Variants in CEP170 observed in about 807,000 individuals in gnomAD.
CEP170 encodes centrosomal protein 170.
A neutral mutation model predicts 151.9 loss-of-function variants in CEP170; 21 were observed. The observed-to-expected ratio is 0.14, with a 90% CI of 0.10 to 0.20. The LOEUF (loss-of-function observed/expected upper bound fraction) is 0.20. Among genes scored for constraint, CEP170 ranks in the 10% least tolerant of loss-of-function variants. CEP170 has a pLI of 1.00. For missense variants in CEP170, 964 were observed against 1,892.9 expected, an observed-to-expected ratio of 0.51 and a Z score of 9.11; for synonymous variants, 356 against 648.8, an observed-to-expected ratio of 0.55 and a Z score of 6.86.
At position 243,125,789 on chromosome 1, in the gene CEP170, T is replaced by C. The variant is rs2053646289; in HGVS notation, c.*660A>G. On this transcript the variant is annotated 3_prime_UTR_variant, in exon 20 of 20. Coordinates refer to ENST00000366542, the MANE Select transcript of CEP170 (RefSeq NM_014812.3). Reference sequence around the variant, plus strand: ...GTTAGTCCTTATTGATATATAGATATGTCCACCTACCACTCCCAGCAAATC... The same window carrying C: ...GTTAGTCCTTATTGATATATAGATACGTCCACCTACCACTCCCAGCAAATC... The C allele has an allele frequency of 2.1e-5, 5 of 238,438 alleles. No individual in the cohort carries two copies. In the South Asian group the frequency reaches 2.9e-4, roughly 14 times the overall value. 14.8% of individuals were successfully genotyped at this position (238,438 alleles called of 1,614,324 possible).
At position 243,124,648 on chromosome 1, in the gene CEP170, C is replaced by T. The variant is rs1354061115; in HGVS notation, c.*1801G>A. On this transcript the variant is annotated 3_prime_UTR_variant, in exon 20 of 20. Coordinates refer to ENST00000366542, the MANE Select transcript of CEP170 (RefSeq NM_014812.3). ...TCTAGTATTTTCCTAAACTCCTTACCTTCTACTTCCATGTGGATATAATCA... is the reference window on the plus strand; with the variant it reads ...TCTAGTATTTTCCTAAACTCCTTACTTTCTACTTCCATGTGGATATAATCA... 1.3e-5 allele frequency: 2 copies of T among 152,374 alleles called. No individual in the cohort carries two copies. Among genetic ancestry groups the T allele is most frequent in the East Asian group, 3.9e-4 (2 of 5,192 alleles). The allele number at this position is 152,374 out of a possible 1,614,324, so 9.4% of individuals were successfully genotyped here.
chr1:243,170,090 AAG>A (rs1302776931), intron 11 of CEP170, among the ~76,000 whole-genome samples: 1 of 152,218 alleles, frequency 6.6e-6, no homozygotes, highest in Non-Finnish European at 1.5e-5. Flanking sequence ...ATATTTTATT[AAG>A]AGTGTCAGAT....
At chr1:243,130,225 T>G (rs1287325748) in intron 17 of CEP170, among the ~76,000 whole-genome samples, 1 of 152,170 alleles carries the variant, frequency 6.6e-6, no homozygotes, top group Non-Finnish European at 1.5e-5. Flanking sequence ...TTGTGTCTGT[T>G]AAGACCTCTT....
intron 1 of CEP170, among the ~76,000 whole-genome samples, chr1:243,233,472 G>A (rs997135147): frequency 1.3e-5 from 2 of 151,972 alleles, no homozygotes; most frequent in African/African-American, 4.8e-5. Context: ...GGTGGCTCAC[G>A]CCTGTAATCC....
intron 19 of CEP170, among the ~76,000 whole-genome samples, chr1:243,127,148 A>G (rs1396918620): frequency 1.3e-5 from 2 of 152,220 alleles, no homozygotes; most frequent in African/African-American, 4.8e-5. Flanking sequence ...GAGTAACCTC[A>G]AGGCTGGAGA....
chr1:243,205,604 C>A (rs1341702186), intron 4 of CEP170, among the ~76,000 whole-genome samples: 3 of 152,178 alleles, frequency 2.0e-5, no homozygotes, highest in African/African-American at 7.2e-5. Flanking sequence ...CCAGAACAAT[C>A]TTAGAAGCCT....
intron 1 of CEP170, among the ~76,000 whole-genome samples, chr1:243,231,709 G>A (rs1460780024): frequency 2.0e-5 from 3 of 151,558 alleles, no homozygotes; most frequent in African/African-American, 7.3e-5. Context: ...GAAAGAAAGG[G>A]AAATCAAAAT....
chr1:243,240,607 G>A (rs2064733915), intron 1 of CEP170, among the ~76,000 whole-genome samples: 1 of 148,732 alleles, frequency 6.7e-6, no homozygotes, highest in South Asian at 2.2e-4. Flanking sequence ...AACTTATAAT[G>A]TAACTGGTAA....
intron 10 of CEP170, among the ~76,000 whole-genome samples, chr1:243,177,228 G>C (rs2148658457): frequency 6.6e-6 from 1 of 152,268 alleles, no homozygotes; most frequent in South Asian, 2.1e-4. Flanking sequence ...AAGCGCCGTG[G>C]GGTAAGATGT....
At chr1:243,238,226 GATC>G (rs1397221176) in intron 1 of CEP170, among the ~76,000 whole-genome samples, 1 of 152,076 alleles carries the variant, frequency 6.6e-6, no homozygotes, top group Non-Finnish European at 1.5e-5. Context: ...GAGGTGGGAC[GATC>G]ACTTGAGCCG....
chr1:243,196,863 CTCTT>C (rs1230037814), intron 7 of CEP170, among the ~76,000 whole-genome samples: 2 of 152,040 alleles, frequency 1.3e-5, no homozygotes, highest in Non-Finnish European at 2.9e-5. Flanking sequence ...TAGAATGTAT[CTCTT>C]TGTCATTTAA....
At chr1:243,130,413 A>T (rs961373137) in intron 17 of CEP170, among the ~76,000 whole-genome samples, 4 of 152,152 alleles carry the variant, frequency 2.6e-5, no homozygotes, top group Non-Finnish European at 5.9e-5. Flanking sequence ...AATTGCCAAT[A>T]AAGATAATTA....
chr1:243,208,204 T>C (rs1250109101), intron 4 of CEP170, among the ~76,000 whole-genome samples: 2 of 152,068 alleles, frequency 1.3e-5, no homozygotes, highest in Admixed American at 6.6e-5. Flanking sequence ...CTTCCAGATA[T>C]ATCACCCTGG....
chr1:243,249,481 A>G (rs2065738537), intron 1 of CEP170, among the ~76,000 whole-genome samples: 1 of 152,160 alleles, frequency 6.6e-6, no homozygotes, highest in African/African-American at 2.4e-5. Context: ...TACATAAGAA[A>G]TAATAAAAAT....
intron 7 of CEP170, among the ~76,000 whole-genome samples, chr1:243,197,100 G>A (rs1406660717): frequency 6.6e-6 from 1 of 152,068 alleles, no homozygotes; most frequent in Non-Finnish European, 1.5e-5. Flanking sequence ...AGAAAATAAA[G>A]ATCAGTTTAG....
intron 3 of CEP170, among the ~76,000 whole-genome samples, chr1:243,213,870 A>G (rs2062027722): frequency 6.6e-6 from 1 of 152,030 alleles, no homozygotes. Context: ...GTGCCACCAC[A>G]CCCTGCTAAT....
At chr1:243,169,525 T>G in intron 12 of CEP170, 103 bp downstream of exon 12, 1 of 1,486,750 alleles carries the variant, frequency 6.7e-7, no homozygotes, top group Non-Finnish European at 9.0e-7. Flanking sequence ...TAATAACAAC[T>G]GATATATGAT....
At chr1:243,211,023 C>A (rs1158858149) in intron 4 of CEP170, among the ~76,000 whole-genome samples, 2 of 149,002 alleles carry the variant, frequency 1.3e-5, no homozygotes, top group Admixed American at 6.8e-5. Context: ...GCTACGGTGA[C>A]AAAAGTCCAT....
chr1:243,220,713 G>A (rs150970195), intron 3 of CEP170, among the ~76,000 whole-genome samples: 2 of 152,302 alleles, frequency 1.3e-5, no homozygotes, highest in Non-Finnish European at 2.9e-5. Flanking sequence ...GAACAACACA[G>A]TATTTGCTTG....
Sources: allele counts gnomAD v4.1 joint callset (sites outside exome capture counted in the v4.1 genomes callset), GRCh38; gene constraint gnomAD v4.1.1; transcripts MANE v1.5; gene names NCBI Gene and HGNC (gene_info 2026-07-23, HGNC 2026-07-21).